The following AFTPH variants were observed in gnomAD, a reference collection of about 807,000 sequenced individuals.
AFTPH encodes the protein aftiphilin, also known as aftiphilin protein.
In AFTPH, 7 loss-of-function variants were observed where a neutral mutation model predicts 72.5. That is an observed-to-expected ratio of 0.10 (90% confidence interval 0.05 to 0.18). AFTPH has a LOEUF of 0.18. Among genes scored for constraint, AFTPH ranks in the 10% least tolerant of loss-of-function variants. The probability of loss-of-function intolerance (pLI) is 1.00; values close to 1 mark genes in which losing one functional copy is unlikely to be tolerated. For synonymous variants in AFTPH, 337 were observed against 370.1 expected, an observed-to-expected ratio of 0.91 and a Z score of 1.03; for missense variants, 979 against 1,060.5, an observed-to-expected ratio of 0.92 and a Z score of 1.07.
chr2:64,524,691 C>T lies in AFTPH; in HGVS notation c.-33+79C>T, dbSNP rs1669138153. ...ACCAGGCCCGGCCCAGCAGCCAGACCCTCACCCGGGCCGGGAGCATCTGCC... is the reference window on the plus strand; with the variant it reads ...ACCAGGCCCGGCCCAGCAGCCAGACTCTCACCCGGGCCGGGAGCATCTGCC... On this transcript the variant is annotated intron_variant, in intron 1 of 8. Coordinates refer to ENST00000238856, the Ensembl canonical transcript of AFTPH. The T allele has an allele frequency of 1.5e-5, 6 of 391,432 alleles. No individual in the cohort carries two copies. The Admixed American group carries it at 1.8e-4, about 12-fold the overall frequency. 24.2% of individuals were successfully genotyped at this position (391,432 alleles called of 1,614,324 possible).
At chr2:64,577,900 G>A (rs1025209966) in intron 6 of AFTPH, among the ~76,000 whole-genome samples, 4 of 152,152 alleles carry the variant, frequency 2.6e-5, no homozygotes, top group African/African-American at 9.7e-5. Flanking sequence ...GGTACAATAT[G>A]TGTATATAGT....
At position 64,579,652 on chromosome 2, in the gene AFTPH, T is replaced by G. The variant is rs543364666; in HGVS notation, c.2455+106T>G. The G allele has an allele frequency of 2.7e-4, 269 of 990,210 alleles. 3 individuals carry two copies. The South Asian group carries it at 4.2e-3, about 16-fold the overall frequency. The allele number at this position is 990,210 out of a possible 1,614,324, so 61.3% of individuals were successfully genotyped here. A position where few individuals can be genotyped will look rare whatever the true frequency, so the allele number is the denominator to read the frequency against. ...TTTCCTTTTTTGTTTGAACATAACT[T>G]ATTCTTATCTTTGGAAATTCAGGCT... On this transcript the variant is annotated intron_variant, in intron 7 of 8. Coordinates refer to ENST00000238856, the Ensembl canonical transcript of AFTPH.
At chr2:64,572,883 ATTAAC>A (rs1672530913) in intron 5 of AFTPH, 58 bp from the exon 6 acceptor site, 4 of 1,573,640 alleles carry the variant, frequency 2.5e-6, no homozygotes, top group Non-Finnish European at 1.7e-6. Flanking sequence ...TTTCTGATAG[ATTAAC>A]TTAAGTTTAT....
intron 6 of AFTPH, 143 bp from the exon 7 acceptor site, chr2:64,579,343 C>G (rs1673027412): frequency 1.9e-6 from 1 of 535,020 alleles, no homozygotes; most frequent in Non-Finnish European, 3.3e-6. Context: ...TTGCAGGTAA[C>G]CTTCTGAAAT....
At chr2:64,538,891 C>G (rs1442142070) in intron 1 of AFTPH, among the ~76,000 whole-genome samples, 1 of 152,134 alleles carries the variant, frequency 6.6e-6, no homozygotes, top group African/African-American at 2.4e-5. Context: ...AGGTGAGTTG[C>G]TCTCATGGTG....
intron 6 of AFTPH, 117 bp downstream of exon 6, chr2:64,573,185 T>A: frequency 1.3e-6 from 1 of 761,602 alleles, no homozygotes; most frequent in Non-Finnish European, 2.1e-6. Flanking sequence ...AAGCTTGATT[T>A]AATGATGGAC....
At chr2:64,541,045 C>T (rs1316822915) in intron 1 of AFTPH, among the ~76,000 whole-genome samples, 1 of 152,074 alleles carries the variant, frequency 6.6e-6, no homozygotes, top group Non-Finnish European at 1.5e-5. Flanking sequence ...GTGATTAATT[C>T]ACCACTTACT....
chr2:64,555,779 G>C (rs1671321947), intron 2 of AFTPH, among the ~76,000 whole-genome samples: 1 of 152,162 alleles, frequency 6.6e-6, no homozygotes, highest in African/African-American at 2.4e-5. Context: ...GACTGAGTCA[G>C]AAGTGGAGAA....
intron 6 of AFTPH, among the ~76,000 whole-genome samples, chr2:64,575,657 AAG>A (rs1558626310): frequency 6.6e-6 from 1 of 151,916 alleles, no homozygotes; most frequent in Non-Finnish European, 1.5e-5. Flanking sequence ...ACATTTTCTA[AAG>A]AGTCTCTTTA....
At chr2:64,590,239 T>C (rs1471682139) in intron 8 of AFTPH, among the ~76,000 whole-genome samples, 1 of 152,232 alleles carries the variant, frequency 6.6e-6, no homozygotes, top group Non-Finnish European at 1.5e-5. Flanking sequence ...AAGATTAGTA[T>C]AGGTGTCCTA....
chr2:64,546,974 G>A (rs1438205343), intron 1 of AFTPH, among the ~76,000 whole-genome samples: 12 of 152,026 alleles, frequency 7.9e-5, no homozygotes, highest in Non-Finnish European at 1.3e-4. Context: ...GCGTGAACCC[G>A]GGAGGCGGAG....
Position 64,529,495 on chromosome 2 carries a change from C to T in AFTPH, c.-33+4883C>T, listed in dbSNP as rs182180448. On this transcript the variant is annotated intron_variant, in intron 1 of 8. Coordinates refer to ENST00000238856, the Ensembl canonical transcript of AFTPH. ...CTTTAAGGTTGTGACTCCTTTTACT[C>T]AGTTCTACCACAGTTTTGTATGTAA... Among the ~76,000 whole-genome samples the T allele has an allele frequency of 1.2e-3, 188 of 152,180 alleles. 1 individual carries two copies. Among genetic ancestry groups the T allele is most frequent in the African/African-American group, 4.4e-3 (184 of 41,522 alleles).
chr2:64,584,876 G>GTGAGCCACCGCGCCTGGCCAGTCA (rs1388978819), intron 7 of AFTPH, among the ~76,000 whole-genome samples: 12 of 152,132 alleles, frequency 7.9e-5, no homozygotes, highest in Non-Finnish European at 1.8e-4. Flanking sequence ...GATTACAGGC[G>GTGAGCCACCGCGCCTGGCCAGTCA]TGAGCCACCG....
chr2:64,571,690 TTTTG>T (rs1407587588), intron 5 of AFTPH, among the ~76,000 whole-genome samples: 1 of 152,092 alleles, frequency 6.6e-6, no homozygotes, highest in African/African-American at 2.4e-5. Flanking sequence ...AGCTTTGAGG[TTTTG>T]TTTTTGTTTT....
At chr2:64,546,761 A>T (rs925644455) in intron 1 of AFTPH, among the ~76,000 whole-genome samples, 1 of 152,026 alleles carries the variant, frequency 6.6e-6, no homozygotes, top group Non-Finnish European at 1.5e-5. Context: ...AAGGCTGGGC[A>T]TGGTGGCTCA....
chr2:64,550,718 CACACACACACACAA>C (rs1043976830), intron 1 of AFTPH, among the ~76,000 whole-genome samples: 7 of 117,274 alleles, frequency 6.0e-5, no homozygotes, highest in Admixed American at 4.2e-4. Context: ...CACACACACA[CACACACACACACAA>C]CTGGTGAAAT....
chr2:64,556,168 A>G (rs1360800876), intron 2 of AFTPH, among the ~76,000 whole-genome samples: 2 of 151,964 alleles, frequency 1.3e-5, no homozygotes, highest in Non-Finnish European at 2.9e-5. Context: ...TTGTACTTTT[A>G]TTGGAGATGA....
intron 8 of AFTPH, among the ~76,000 whole-genome samples, chr2:64,585,780 C>T (rs190925988): frequency 8.8e-5 from 13 of 148,210 alleles, no homozygotes; most frequent in African/African-American, 3.0e-4. Flanking sequence ...GTTTTCTTCC[C>T]CCACCCCCTG....
At chr2:64,577,777 T>A (rs1304911370) in intron 6 of AFTPH, among the ~76,000 whole-genome samples, 1 of 152,214 alleles carries the variant, frequency 6.6e-6, no homozygotes, top group Non-Finnish European at 1.5e-5. Context: ...AATTATAGAT[T>A]CATAGGAAGT....
Sources: gnomAD v4.1 joint callset for allele counts (sites outside exome capture counted in the v4.1 genomes callset) on GRCh38, gnomAD v4.1.1 for gene constraint, MANE v1.5 for transcripts, NCBI Gene and HGNC (gene_info 2026-07-23, HGNC 2026-07-21) for gene names.